Variants in TESC observed in about 807,000 individuals in gnomAD.
The protein encoded by TESC is calcineurin B homologous protein 3.
A neutral mutation model predicts 31.0 loss-of-function variants in TESC; 19 were observed. The ratio of observed to expected loss-of-function variants is 0.61; its 90% confidence interval spans 0.43 to 0.90. The LOEUF (loss-of-function observed/expected upper bound fraction) is 0.90, where lower values mean the gene tolerates loss of function less well. TESC is among the 40% of genes least tolerant of loss of function. TESC has a pLI of 0.00. For missense variants in TESC, 248 were observed against 303.8 expected (o/e 0.82, Z 1.36); for synonymous variants, 109 against 114.8 (o/e 0.95, Z 0.32).
chr12:117,063,926 G>A (rs2135770645), intron 2 of TESC, among the ~76,000 whole-genome samples: 1 of 152,250 alleles, frequency 6.6e-6, no homozygotes, highest in Non-Finnish European at 1.5e-5. Context: ...GCTTATTAGA[G>A]ATGCACCATC....
At chr12:117,050,760 C>G (rs961943704) in intron 3 of TESC, among the ~76,000 whole-genome samples, 1 of 152,196 alleles carries the variant, frequency 6.6e-6, no homozygotes, top group Non-Finnish European at 1.5e-5. Context: ...GGGAGAAACC[C>G]TGTCTCTACA....
chr12:117,073,588 A>T (rs1287923816), intron 2 of TESC, among the ~76,000 whole-genome samples: 1 of 152,206 alleles, frequency 6.6e-6, no homozygotes, highest in Non-Finnish European at 1.5e-5. Context: ...GGGAAATTTA[A>T]GTCTGTTTAC....
rs540606772 is a variant in TESC, at chr12:117,048,155, GA to G, written c.349+863del. On this transcript the variant is annotated intron_variant, in intron 4 of 7. Coordinates refer to ENST00000335209, the MANE Select transcript of TESC (RefSeq NM_017899.4). ...AGGGATGCCTGAGCCCTGCCTCCCA[GA>G]CAGACTGTCAAAGCTCACGGAAGTT... 2.7e-4 allele frequency among the ~76,000 whole-genome samples: 41 copies of G among 152,280 alleles called. 1 individual carries two copies. The East Asian group carries it at 6.8e-3, about 25-fold the overall frequency.
At chr12:117,065,100 C>G (rs943980586) in intron 2 of TESC, among the ~76,000 whole-genome samples, 1 of 152,192 alleles carries the variant, frequency 6.6e-6, no homozygotes, top group Non-Finnish European at 1.5e-5. Context: ...GAGGCCTCAG[C>G]GGAGGCTCTG....
At chr12:117,047,868 G>A (rs1954590356) in intron 4 of TESC, among the ~76,000 whole-genome samples, 2 of 152,176 alleles carry the variant, frequency 1.3e-5, no homozygotes, top group South Asian at 4.2e-4. Context: ...AGTCTCCCGA[G>A]TACCAGGGAC....
intron 2 of TESC, among the ~76,000 whole-genome samples, chr12:117,073,486 T>C (rs1444336619): frequency 6.6e-6 from 1 of 152,120 alleles, no homozygotes; most frequent in Admixed American, 6.5e-5. Flanking sequence ...GCTCTTGAAA[T>C]TAAGAATGAA....
intron 2 of TESC, among the ~76,000 whole-genome samples, chr12:117,062,559 G>T (rs1342771528): frequency 3.3e-5 from 5 of 152,208 alleles, no homozygotes; most frequent in African/African-American, 1.2e-4. Flanking sequence ...GAGGCAGAGA[G>T]ATGAAGCCAC....
chr12:117,059,679 G>T (rs527858200), intron 2 of TESC, among the ~76,000 whole-genome samples: 2 of 152,104 alleles, frequency 1.3e-5, no homozygotes, highest in African/African-American at 4.8e-5. Context: ...TGCAATCTCC[G>T]CCTCCCGGGT....
In TESC at chr12:117,097,084, T is replaced by C. The variant is rs116660949; in HGVS notation, c.58+2141A>G. ...GGAACAGCAGCCTCTCCGAGTCATC[T>C]CTAAATCCCCAGCCCCTGGTCTATA... On this transcript the variant is annotated intron_variant, in intron 1 of 7. Coordinates refer to ENST00000335209, the MANE Select transcript of TESC (RefSeq NM_017899.4). Among the ~76,000 whole-genome samples, 567 of 152,300 alleles carry C rather than the reference T, an allele frequency of 3.7e-3. 3 individuals carry two copies. Among genetic ancestry groups the C allele is most frequent in the African/African-American group, 0.013 (524 of 41,542 alleles).
At chr12:117,075,889 A>ATGTG (rs1565971512) in intron 1 of TESC, among the ~76,000 whole-genome samples, 4 of 71,778 alleles carry the variant, frequency 5.6e-5, no homozygotes, top group African/African-American at 3.4e-4. Flanking sequence ...ATATATATAT[A>ATGTG]TATATATATA....
chr12:117,060,145 G>C (rs530318288), intron 2 of TESC, among the ~76,000 whole-genome samples: 2 of 152,204 alleles, frequency 1.3e-5, no homozygotes, highest in Non-Finnish European at 2.9e-5. Context: ...TTTATAATAT[G>C]TGCATTACAG....
In TESC at chr12:117,055,318, T is replaced by C. The variant is rs146673360; in HGVS notation, c.209+1488A>G. ...CACCACATCTGGCTAACTTTTGTAT[T>C]TTTAGTAGAGATGGGGGTTTCACCA... On this transcript the variant is annotated intron_variant, in intron 3 of 7. Coordinates refer to ENST00000335209, the MANE Select transcript of TESC (RefSeq NM_017899.4). Among the ~76,000 whole-genome samples the C allele has an allele frequency of 4.3e-3, 653 of 152,198 alleles. 6 individuals are homozygous for C. The highest frequency in any genetic ancestry group is 0.015 in the African/African-American group (633 of 41,524).
Position 117,039,711 on chromosome 12 carries a change from A to C in TESC, c.568-501T>G, listed in dbSNP as rs138078857. Among the ~76,000 whole-genome samples the C allele has an allele frequency of 3.3e-4, 50 of 152,344 alleles. 1 individual carries two copies. The East Asian group carries it at 8.1e-3, about 25-fold the overall frequency. On this transcript the variant is annotated intron_variant, in intron 7 of 7. Coordinates refer to ENST00000335209, the MANE Select transcript of TESC (RefSeq NM_017899.4). ...TCGTCATCAATTTAAGGATCTCCAC[A>C]GTGTGGTCTTTACAACCTCCCTGGG...
At chr12:117,084,736 A>G (rs1194755638) in intron 1 of TESC, among the ~76,000 whole-genome samples, 4 of 152,190 alleles carry the variant, frequency 2.6e-5, no homozygotes, top group Non-Finnish European at 5.9e-5. Context: ...ACTCAGGAGG[A>G]AAGAGAATGT....
chr12:117,060,735 C>T (rs1279543137), intron 2 of TESC, among the ~76,000 whole-genome samples: 1 of 152,164 alleles, frequency 6.6e-6, no homozygotes, highest in Non-Finnish European at 1.5e-5. Context: ...AGCTTGGAAG[C>T]CAGGTAGCGT....
At chr12:117,096,840 C>A (rs1955402747) in intron 1 of TESC, among the ~76,000 whole-genome samples, 1 of 152,200 alleles carries the variant, frequency 6.6e-6, no homozygotes, top group Admixed American at 6.5e-5. Context: ...CTTGTCCCTG[C>A]CACAGGGCCT....
intron 4 of TESC, chr12:117,048,624 C>A (rs1954602252): frequency 1.1e-5 from 5 of 445,236 alleles, no homozygotes; most frequent in Non-Finnish European, 1.8e-5. Context: ...TTCCTGTGTG[C>A]CAAAGGCTGA....
At chr12:117,043,705 A>G (rs892408484) in intron 6 of TESC, among the ~76,000 whole-genome samples, 5 of 152,170 alleles carry the variant, frequency 3.3e-5, no homozygotes, top group Non-Finnish European at 5.9e-5. Context: ...ACCTCAAGCA[A>G]TCCAACCGCC....
intron 7 of TESC, among the ~76,000 whole-genome samples, chr12:117,039,498 A>C (rs776466514): frequency 6.6e-6 from 1 of 152,228 alleles, no homozygotes; most frequent in African/African-American, 2.4e-5. Flanking sequence ...GCTCCAAGGC[A>C]TTTGAATCTC....
Sources: gnomAD v4.1 joint callset for allele counts (sites outside exome capture counted in the v4.1 genomes callset) on GRCh38, gnomAD v4.1.1 for gene constraint, MANE v1.5 for transcripts, NCBI Gene and HGNC (gene_info 2026-07-23, HGNC 2026-07-21) for gene names.